The following PRKG1 variants were observed in gnomAD, a reference collection of about 807,000 sequenced individuals.
PRKG1 encodes cGMP-dependent protein kinase 1.
Under a neutral mutation model 88.1 loss-of-function variants are expected in PRKG1, and 35 were observed. The ratio of observed to expected loss-of-function variants is 0.40; its 90% CI spans 0.30 to 0.53. The LOEUF (loss-of-function observed/expected upper bound fraction) is 0.53, where lower values mean the gene tolerates loss of function less well. Among genes scored for constraint, PRKG1 ranks in the 20% least tolerant of loss-of-function variants. The pLI is 0.59. For synonymous variants in PRKG1, 303 were observed against 292.5 expected (o/e 1.04, Z -0.37); for missense variants, 540 against 839.8 (o/e 0.64, Z 4.41).
chr10:51,529,688 C>T (rs1841969277), intron 3 of PRKG1, among the ~76,000 whole-genome samples: 1 of 91,500 alleles, frequency 1.1e-5, no homozygotes, highest in Non-Finnish European at 2.4e-5. Context: ...CACACACACA[C>T]ACGCTCCTCA....
At chr10:51,858,331 T>TAA (rs1554849429) in intron 4 of PRKG1, among the ~76,000 whole-genome samples, 5 of 32,030 alleles carry the variant, frequency 1.6e-4, no homozygotes, top group East Asian at 4.4e-4. Context: ...GTATTATATA[T>TAA]AATATATATA....
At chr10:51,166,025 A>G (rs1340245723) in intron 2 of PRKG1, among the ~76,000 whole-genome samples, 1 of 152,066 alleles carries the variant, frequency 6.6e-6, no homozygotes, top group South Asian at 2.1e-4. Flanking sequence ...ACATAATTCA[A>G]TGTTACACTT....
At chr10:51,015,951 C>T (rs1440339009) in intron 1 of PRKG1, among the ~76,000 whole-genome samples, 1 of 152,046 alleles carries the variant, frequency 6.6e-6, no homozygotes, top group Non-Finnish European at 1.5e-5. Context: ...CTGTGTTAAG[C>T]ACTATGATTG....
intron 8 of PRKG1, among the ~76,000 whole-genome samples, chr10:52,139,309 G>A (rs1481831277): frequency 2.0e-5 from 3 of 152,078 alleles, no homozygotes; most frequent in African/African-American, 7.2e-5. Context: ...AGTACTAGTA[G>A]GAAAACCTCA....
intron 4 of PRKG1, among the ~76,000 whole-genome samples, chr10:51,889,141 T>C (rs1261569086): frequency 1.3e-5 from 2 of 151,244 alleles, no homozygotes; most frequent in Non-Finnish European, 2.9e-5. Flanking sequence ...ACATGCACCA[T>C]GTTGCTGTGC....
At chr10:52,173,857 G>A (rs1410401314) in intron 9 of PRKG1, among the ~76,000 whole-genome samples, 1 of 152,116 alleles carries the variant, frequency 6.6e-6, no homozygotes, top group African/African-American at 2.4e-5. Context: ...GGATAAGGCA[G>A]CTTCTTAAAA....
intron 5 of PRKG1, among the ~76,000 whole-genome samples, chr10:52,025,324 A>G (rs1452421408): frequency 2.0e-5 from 3 of 152,056 alleles, no homozygotes; most frequent in East Asian, 1.9e-4. Flanking sequence ...GAAGCTCTTT[A>G]GTTTAATTAG....
intron 2 of PRKG1, among the ~76,000 whole-genome samples, chr10:51,329,737 G>C (rs536840951): frequency 9.2e-5 from 14 of 151,962 alleles, no homozygotes; most frequent in African/African-American, 3.4e-4. Context: ...TTTTTTGTTT[G>C]TTTGTTTGTT....
At chr10:51,537,534 C>A (rs1233197651) in intron 3 of PRKG1, among the ~76,000 whole-genome samples, 2 of 151,840 alleles carry the variant, frequency 1.3e-5, no homozygotes, top group Non-Finnish European at 2.9e-5. Flanking sequence ...AGTTGGAGAC[C>A]AGCCTGACAA....
chr10:51,906,451 A>T (rs1842088450), intron 4 of PRKG1, among the ~76,000 whole-genome samples: 3 of 152,200 alleles, frequency 2.0e-5, no homozygotes, highest in Admixed American at 2.0e-4. Context: ...GCAGACATCC[A>T]TCAGTACATA....
rs138649952 is a variant in PRKG1, at chr10:51,702,141, T to A, written c.593-102444T>A. 7.3e-3 allele frequency among the ~76,000 whole-genome samples: 1,113 copies of A among 152,322 alleles called. 14 individuals are homozygous for A. The highest frequency in any genetic ancestry group is 0.017 in the African/African-American group (722 of 41,578). ...TGCTGATCTGCTACTGAAGATACCC[T>A]GGACATGAAGACTGGGTGAACAGAG... On this transcript the variant is annotated intron_variant, in intron 3 of 17. Coordinates refer to ENST00000373980, the MANE Select transcript of PRKG1 (RefSeq NM_006258.4).
chr10:51,296,626 A>G (rs1840726576), intron 2 of PRKG1, among the ~76,000 whole-genome samples: 2 of 146,694 alleles, frequency 1.4e-5, no homozygotes, highest in Admixed American at 1.3e-4. Flanking sequence ...CAAAAAATCA[A>G]CTCTTGTTTA....
intron 1 of PRKG1, among the ~76,000 whole-genome samples, chr10:51,012,006 A>T (rs915502772): frequency 1.3e-5 from 2 of 152,220 alleles, no homozygotes; most frequent in African/African-American, 4.8e-5. Flanking sequence ...TGAAACCATC[A>T]GATCTCATGA....
chr10:52,092,874 A>C (rs1302600997), intron 7 of PRKG1, among the ~76,000 whole-genome samples: 4 of 152,134 alleles, frequency 2.6e-5, no homozygotes, highest in Admixed American at 6.6e-5. Flanking sequence ...ATCAATTTGC[A>C]TGGTAAGTAT....
chr10:51,113,095 A>G (rs1227283727), intron 1 of PRKG1, among the ~76,000 whole-genome samples: 1 of 152,220 alleles, frequency 6.6e-6, no homozygotes, highest in African/African-American at 2.4e-5. Context: ...TTTTCTCATA[A>G]ACTACCAGAC....
At chr10:51,335,137 C>T (rs527355592) in intron 2 of PRKG1, among the ~76,000 whole-genome samples, 3 of 151,370 alleles carry the variant, frequency 2.0e-5, no homozygotes, top group Admixed American at 1.3e-4. Flanking sequence ...CTCAGCCACC[C>T]GAGGAGCTGG....
At chr10:51,917,118 G>C (rs1209781323) in intron 5 of PRKG1, among the ~76,000 whole-genome samples, 3 of 152,072 alleles carry the variant, frequency 2.0e-5, no homozygotes, top group Non-Finnish European at 2.9e-5. Context: ...AGAAGTTTGA[G>C]AGCAGCCTGC....
chr10:52,075,890 T>G (rs1846616052), intron 7 of PRKG1, among the ~76,000 whole-genome samples: 1 of 152,182 alleles, frequency 6.6e-6, no homozygotes, highest in Admixed American at 6.5e-5. Context: ...AGGGCCCCAC[T>G]TTCATGACCT....
At chr10:51,597,173 GT>G (rs148426127) in intron 3 of PRKG1, among the ~76,000 whole-genome samples, 10,889 of 148,330 alleles carry the variant, frequency 0.073, 1,278 homozygotes, top group African/African-American at 0.25. Context: ...TCTAGAGTTT[GT>G]TTTTTTTTTA....
Sources: gnomAD v4.1 joint callset for allele counts (sites outside exome capture counted in the v4.1 genomes callset) on GRCh38, gnomAD v4.1.1 for gene constraint, MANE v1.5 for transcripts, NCBI Gene and HGNC (gene_info 2026-07-23, HGNC 2026-07-21) for gene names.